The following ERCC6L2 variants were observed in gnomAD, a reference collection of about 807,000 sequenced individuals.
ERCC6L2 encodes ERCC excision repair 6 like 2.
ERCC6L2 carries 77 observed loss-of-function variants against 132.0 expected under a neutral mutation model. The ratio of observed to expected loss-of-function variants is 0.58; its 90% confidence interval spans 0.49 to 0.71. ERCC6L2 has a LOEUF of 0.71. ERCC6L2 is among the 30% of genes least tolerant of loss of function. The pLI is 0.00. For missense variants in ERCC6L2, 1,542 were observed against 1,837.6 expected (o/e 0.84, Z 2.94); for synonymous variants, 583 against 632.4 (o/e 0.92, Z 1.17).
intron 18 of ERCC6L2, chr9:96,004,923 T>A (rs1281551446): frequency 3.0e-6 from 1 of 334,132 alleles, no homozygotes; most frequent in African/African-American, 2.2e-5. Context: ...TACAAAGAAA[T>A]GAAATACTTA....
intron 13 of ERCC6L2, among the ~76,000 whole-genome samples, chr9:95,960,719 CTG>C (rs1173809109): frequency 8.5e-5 from 13 of 152,140 alleles, no homozygotes; most frequent in Non-Finnish European, 1.5e-4. Flanking sequence ...GCTCCCAGAA[CTG>C]TGAGAGGCTC....
intron 16 of ERCC6L2, among the ~76,000 whole-genome samples, chr9:95,974,794 A>T (rs1832592336): frequency 6.6e-6 from 1 of 151,756 alleles, no homozygotes; most frequent in Non-Finnish European, 1.5e-5. Flanking sequence ...TATATTTGTG[A>T]TATATATTTT....
At chr9:96,041,025 C>T (rs2133277785) in intron 20 of ERCC6L2, among the ~76,000 whole-genome samples, 1 of 152,298 alleles carries the variant, frequency 6.6e-6, no homozygotes, top group Non-Finnish European at 1.5e-5. Context: ...ACAAGATAAT[C>T]TTTGTCTACC....
At chr9:96,010,672 A>G (rs1337943228) in intron 18 of ERCC6L2, among the ~76,000 whole-genome samples, 2 of 152,060 alleles carry the variant, frequency 1.3e-5, no homozygotes, top group African/African-American at 2.4e-5. Context: ...GCCTACCACC[A>G]ATCACTGACC....
intron 18 of ERCC6L2, among the ~76,000 whole-genome samples, chr9:96,006,432 G>A (rs1033443323): frequency 6.6e-6 from 1 of 152,246 alleles, no homozygotes; most frequent in Non-Finnish European, 1.5e-5. Context: ...GAGCAGCCTG[G>A]GAAGCAGTGC....
At chr9:95,961,161 C>A (rs924504102) in intron 13 of ERCC6L2, among the ~76,000 whole-genome samples, 1 of 152,108 alleles carries the variant, frequency 6.6e-6, no homozygotes, top group Non-Finnish European at 1.5e-5. Context: ...CCCTTGGTAC[C>A]TGTGAATGTG....
chr9:95,918,512 C>G (rs1379504554), intron 6 of ERCC6L2: 1 of 496,910 alleles, frequency 2.0e-6, no homozygotes, highest in Non-Finnish European at 4.1e-6. Context: ...TTACAACATA[C>G]CTACTTGCTA....
intron 13 of ERCC6L2, among the ~76,000 whole-genome samples, chr9:95,957,353 G>T (rs1425767910): frequency 6.7e-6 from 1 of 149,864 alleles, no homozygotes; most frequent in African/African-American, 2.5e-5. Flanking sequence ...AAATAGAATT[G>T]TACACAGCAG....
chr9:96,013,255 C>T lies in ERCC6L2; in HGVS notation c.*52C>T, dbSNP rs1834098682. On this transcript the variant is annotated 3_prime_UTR_variant, in exon 19 of 19. Coordinates refer to ENST00000653738, the MANE Select transcript of ERCC6L2 (RefSeq NM_020207.7). The stretch of plus-strand genomic sequence containing the variant: ...AAACTGCTGCCATCACTGTTTACGG[C>T]ACTGGATTCCACACTGATTCTATTA... 2 of 1,247,350 alleles carry T rather than the reference C, an allele frequency of 1.6e-6. No individual in the cohort carries two copies. Among genetic ancestry groups the T allele is most frequent in the Non-Finnish European group, 2.1e-6 (2 of 949,436 alleles). 77.3% of individuals were successfully genotyped at this position (1,247,350 alleles called of 1,614,324 possible). A position where few individuals can be genotyped will look rare whatever the true frequency, so the allele number is the denominator to read the frequency against.
At chr9:96,032,170 C>T (rs546071914) in intron 19 of ERCC6L2, among the ~76,000 whole-genome samples, 63 of 152,262 alleles carry the variant, frequency 4.1e-4, no homozygotes, top group African/African-American at 1.5e-3. Context: ...CACACTCACC[C>T]TGAGCCCCAA....
At position 95,983,860 on chromosome 9, in the gene ERCC6L2, G is replaced by A. The variant is rs185075374; in HGVS notation, c.3492+5645G>A. ...CAGGCCCCAGGGCTCAACAATGGCCGGAGGCTTACATCGCTGTGGTCTTTG... is the reference window on the plus strand; with the variant it reads ...CAGGCCCCAGGGCTCAACAATGGCCAGAGGCTTACATCGCTGTGGTCTTTG... On this transcript the variant is annotated intron_variant, in intron 17 of 18. Coordinates refer to ENST00000653738, the MANE Select transcript of ERCC6L2 (RefSeq NM_020207.7). Among the ~76,000 whole-genome samples the A allele has an allele frequency of 4.1e-3, 618 of 152,266 alleles. 7 individuals carry two copies. The highest frequency in any genetic ancestry group is 0.014 in the African/African-American group (591 of 41,554).
Position 96,015,403 on chromosome 9 carries a change from G to A in ERCC6L2, c.*2200G>A, listed in dbSNP as rs1834164713. Among the ~76,000 whole-genome samples the A allele has an allele frequency of 6.6e-6, 1 of 151,786 alleles. No homozygotes were observed. Among genetic ancestry groups the A allele is most frequent in the Admixed American group, 6.6e-5 (1 of 15,266 alleles). ...GGGTTTCACCATGTTGGCCAGGCTG[G>A]TCTCAATCTCCTGGCTGCAAGCGAT... is the stretch of plus-strand genomic sequence containing the variant. On this transcript the variant is annotated 3_prime_UTR_variant, in exon 19 of 19. Transcript: ENST00000653738.
chr9:95,901,508 A>G (rs907862952), intron 3 of ERCC6L2, among the ~76,000 whole-genome samples: 1 of 152,096 alleles, frequency 6.6e-6, no homozygotes, highest in Non-Finnish European at 1.5e-5. Flanking sequence ...TAGTCTTTCC[A>G]ACTACCTTAG....
chr9:95,916,282 C>A lies in ERCC6L2; in HGVS notation c.1006C>A (p.Pro336Thr). Reference sequence around the variant, plus strand: ...CTACTTCAAGAAGCAGTTTTCTGACCCAGTAGAACATGGTCAGAGACACAC... The same window carrying A: ...CTACTTCAAGAAGCAGTTTTCTGACACAGTAGAACATGGTCAGAGACACAC... ...GTYFKKQFSD[P>T]VEHGQRHTAT... Residue 336 changes from proline to threonine, a missense_variant, in exon 6 of 19, where the codon CCA becomes ACA. This residue lies in a region of ERCC6L2 where 945 missense variants were observed against 1,105.2 expected (regional missense o/e 0.86). Coordinates refer to ENST00000653738, the MANE Select transcript of ERCC6L2 (RefSeq NM_020207.7). 2 of 1,613,886 alleles carry A rather than the reference C, an allele frequency of 1.2e-6. No individual in the cohort carries two copies. Among genetic ancestry groups the A allele is most frequent in the Non-Finnish European group, 1.7e-6 (2 of 1,179,964 alleles).
At chr9:95,920,695 T>G (rs1353349504) in intron 6 of ERCC6L2, among the ~76,000 whole-genome samples, 1 of 152,088 alleles carries the variant, frequency 6.6e-6, no homozygotes, top group Non-Finnish European at 1.5e-5. Context: ...TTATCCAGGG[T>G]GGGGTGGAGA....
Position 95,970,463 on chromosome 9 carries a change from A to G in ERCC6L2, c.2101-113A>G, listed in dbSNP as rs941175776. 2.5e-5 allele frequency: 9 copies of G among 363,726 alleles called. No individual in the cohort carries two copies. In the Admixed American group the frequency reaches 4.5e-4, roughly 18 times the overall value. 22.5% of individuals were successfully genotyped at this position (363,726 alleles called of 1,614,324 possible). A position where few individuals can be genotyped will look rare whatever the true frequency, so the allele number is the denominator to read the frequency against. On this transcript the variant is annotated intron_variant, in intron 14 of 18. Transcript: ENST00000653738. ...CATTAAGAATGCTAAAGCAAGCTGC[A>G]TGCAATTTTTCTTTCTTAGCTCCAA...
downstream of ERCC6L2, among the ~76,000 whole-genome samples, chr9:96,019,027 G>A (rs1475174514): frequency 2.0e-5 from 3 of 152,142 alleles, no homozygotes; most frequent in East Asian, 5.8e-4. Flanking sequence ...CAGTTTATCT[G>A]GCAGGGGGAA....
chr9:95,880,901 C>T lies in ERCC6L2; in HGVS notation c.79C>T (p.Pro27Ser), dbSNP rs997963837. The T allele has an allele frequency of 1.9e-6, 3 of 1,612,534 alleles. No homozygotes were observed. The highest frequency in any genetic ancestry group is 1.3e-5 in the African/African-American group (1 of 74,896). The part of the protein sequence containing the change: ...IWHPGERCLA[P>S]SPDNGKLCEA... ...GCATCCAGGAGAAAGATGTCTTGCC[C>T]CTTCTCCAGATAATGGAAAACTTTG... Residue 27 changes from proline (P) to serine (S), a missense_variant, in exon 2 of 19, where the codon CCT becomes TCT. This residue lies in a region of ERCC6L2 where 153 missense variants were observed against 132.3 expected (regional missense o/e 1.16). Transcript: ENST00000653738.
At chr9:95,920,093 A>G (rs1829789881) in intron 6 of ERCC6L2, among the ~76,000 whole-genome samples, 1 of 152,240 alleles carries the variant, frequency 6.6e-6, no homozygotes, top group South Asian at 2.1e-4. Context: ...TGGAAGAAGG[A>G]CTGGCACCAT....
Sources: allele counts gnomAD v4.1 joint callset (sites outside exome capture counted in the v4.1 genomes callset), GRCh38; gene constraint gnomAD v4.1.1; regional missense constraint gnomAD v4.1.1; transcripts MANE v1.5; gene names NCBI Gene and HGNC (gene_info 2026-07-23, HGNC 2026-07-21).